The following C13orf46 variants were observed in gnomAD, a reference collection of about 807,000 sequenced individuals.
The protein encoded by C13orf46 is chromosome 13 open reading frame 46, also known as uncharacterized protein C13orf46.
chr13:113,940,295 C>T, the C13orf46 span, among the ~76,000 whole-genome samples: 11 of 152,256 alleles, frequency 7.2e-5, no homozygotes, highest in African/African-American at 2.4e-4. Context: ...GCCGCCAAGC[C>T]CCCCACCCCC....
chr13:113,951,480 G>A (rs963741534), downstream of C13orf46, among the ~76,000 whole-genome samples: 5 of 152,252 alleles, frequency 3.3e-5, no homozygotes, highest in South Asian at 2.1e-4. Context: ...CCCCCCCGCC[G>A]CCACCAACAG....
chr13:113,944,005 G>A, the C13orf46 span, among the ~76,000 whole-genome samples: 3 of 152,294 alleles, frequency 2.0e-5, no homozygotes, highest in East Asian at 1.9e-4. Flanking sequence ...TCAGTATCCC[G>A]ACAGGAAGGA....
Position 113,955,764 on chromosome 13 carries a change from C to CGGCGGAGACGAGAAGCAGCT in C13orf46, c.*1008_*1009insAGCTGCTTCTCGTCTCCGCC, listed in dbSNP as rs2052524200. 2 of 108,524 alleles carry CGGCGGAGACGAGAAGCAGCT rather than the reference C, an allele frequency of 1.8e-5. No homozygotes were observed. The highest frequency in any genetic ancestry group is 7.0e-5 in the African/African-American group (2 of 28,752). 6.7% of individuals were successfully genotyped at this position (108,524 alleles called of 1,614,324 possible). ...GTGTCTGGCAGAGAGGAGGAGCATC[C>CGGCGGAGACGAGAAGCAGCT]GGCGGAGACGAGGAGCAGCCGGCGG... is the stretch of plus-strand genomic sequence containing the variant. On this transcript the variant is annotated 3_prime_UTR_variant, in exon 7 of 7. Transcript: ENST00000636427.
downstream of C13orf46, among the ~76,000 whole-genome samples, chr13:113,952,946 G>T (rs1023260496): frequency 3.8e-4 from 58 of 152,124 alleles, no homozygotes; most frequent in Non-Finnish European, 7.4e-4. Context: ...AGCTGCTCTC[G>T]GGCTCTGCGG....
the C13orf46 span, among the ~76,000 whole-genome samples, chr13:113,936,057 C>T: frequency 6.6e-6 from 1 of 152,204 alleles, no homozygotes; most frequent in Non-Finnish European, 1.5e-5. Flanking sequence ...CTACATGTAA[C>T]CGATTTTCAT....
intron 1 of C13orf46, among the ~76,000 whole-genome samples, chr13:113,972,506 G>T (rs2052718436): frequency 6.6e-6 from 1 of 152,174 alleles, no homozygotes; most frequent in African/African-American, 2.4e-5. Flanking sequence ...GGGAGGGGAG[G>T]GGAGCGCCAG....
the C13orf46 span, among the ~76,000 whole-genome samples, chr13:113,946,000 G>C: frequency 1.3e-5 from 2 of 152,210 alleles, no homozygotes; most frequent in Admixed American, 1.3e-4. Flanking sequence ...CCAGTTCACC[G>C]CACTGTGGGC....
At chr13:113,932,533 A>G in the C13orf46 span, among the ~76,000 whole-genome samples, 2 of 152,198 alleles carry the variant, frequency 1.3e-5, no homozygotes, top group Non-Finnish European at 2.9e-5. Flanking sequence ...TCTTTGGTGA[A>G]ATATCCATTC....
chr13:113,958,894 G>A (rs2052564639), intron 6 of C13orf46, among the ~76,000 whole-genome samples: 2 of 152,172 alleles, frequency 1.3e-5, no homozygotes, highest in Non-Finnish European at 2.9e-5. Flanking sequence ...CCTCTCCTGG[G>A]GCTGTGCTAG....
intron 5 of C13orf46, among the ~76,000 whole-genome samples, chr13:113,965,947 ATGATGGTGATGG>A (rs1252230470): frequency 6.7e-6 from 1 of 148,534 alleles, no homozygotes. Flanking sequence ...GATGGTGATG[ATGATGGTGATGG>A]TGATTATAAT....
At chr13:113,931,531 G>T in the C13orf46 span, among the ~76,000 whole-genome samples, 2 of 152,206 alleles carry the variant, frequency 1.3e-5, no homozygotes, top group Non-Finnish European at 2.9e-5. Flanking sequence ...GCGCCCCTCA[G>T]ACGGCACCTG....
the C13orf46 span, among the ~76,000 whole-genome samples, chr13:113,945,625 AAAGAAAGAAAG>A: frequency 7.7e-6 from 1 of 129,370 alleles, no homozygotes; most frequent in South Asian, 2.4e-4. Flanking sequence ...AGAAAGAAAG[AAAGAAAGAAAG>A]AAAGAAAGAA....
chr13:113,970,795 G>A (rs2052696639), intron 1 of C13orf46, among the ~76,000 whole-genome samples: 1 of 152,150 alleles, frequency 6.6e-6, no homozygotes. Flanking sequence ...TGTCTCGTGA[G>A]GATCTTTACC....
chr13:113,934,557 A>G, the C13orf46 span, among the ~76,000 whole-genome samples: 1 of 152,356 alleles, frequency 6.6e-6, no homozygotes, highest in Admixed American at 6.5e-5. Context: ...CCAAGGTGCC[A>G]AGACAACTCA....
At chr13:113,933,719 C>T in the C13orf46 span, among the ~76,000 whole-genome samples, 1 of 152,102 alleles carries the variant, frequency 6.6e-6, no homozygotes, top group Non-Finnish European at 1.5e-5. Flanking sequence ...ATTTCTAAGT[C>T]CTCAGTAATT....
chr13:113,935,086 A>C, the C13orf46 span, among the ~76,000 whole-genome samples: 3 of 152,132 alleles, frequency 2.0e-5, no homozygotes, highest in Non-Finnish European at 4.4e-5. Flanking sequence ...TTTGCTTCCG[A>C]CGTTACAAGC....
intron 1 of C13orf46, among the ~76,000 whole-genome samples, chr13:113,973,531 C>A (rs2052730765): frequency 6.6e-6 from 1 of 152,198 alleles, no homozygotes; most frequent in Non-Finnish European, 1.5e-5. Context: ...CTGGAAGCCC[C>A]TCCTGCTTCA....
chr13:113,932,014 G>C, the C13orf46 span, among the ~76,000 whole-genome samples: 143 of 151,946 alleles, frequency 9.4e-4, no homozygotes, highest in African/African-American at 3.4e-3. Flanking sequence ...ATTCATTTCT[G>C]TCCTGGGTAA....
chr13:113,950,102 AC>A, downstream of C13orf46, among the ~76,000 whole-genome samples: 1 of 72,280 alleles, frequency 1.4e-5, no homozygotes, highest in Admixed American at 1.3e-4. Flanking sequence ...TGGGGTCATC[AC>A]CCCCTGCCTC....
Sources: gnomAD v4.1 joint callset for allele counts (sites outside exome capture counted in the v4.1 genomes callset) on GRCh38, gnomAD v4.1.1 for gene constraint, MANE v1.5 for transcripts, NCBI Gene and HGNC (gene_info 2026-07-23, HGNC 2026-07-21) for gene names.